Variants in FGF14 observed in about 807,000 individuals in gnomAD.
The protein encoded by FGF14 is fibroblast growth factor 14.
A neutral mutation model predicts 25.5 loss-of-function variants in FGF14; 5 were observed. That is an observed-to-expected ratio of 0.20 (90% CI 0.10 to 0.41). The LOEUF (loss-of-function observed/expected upper bound fraction) is 0.41. Among genes scored for constraint, FGF14 ranks in the 10% least tolerant of loss-of-function variants. The pLI, the probability that FGF14 is intolerant of heterozygous loss-of-function variation, is 1.00. For synonymous variants in FGF14, 138 were observed against 118.3 expected (o/e 1.17, Z -1.08); for missense variants, 222 against 320.1 (o/e 0.69, Z 2.34).
At chr13:101,962,285 G>C (rs995131888) in intron 1 of FGF14, among the ~76,000 whole-genome samples, 4 of 152,152 alleles carry the variant, frequency 2.6e-5, no homozygotes, top group Admixed American at 1.3e-4. Context: ...TCCCTTGCTA[G>C]ATGTATTCCT....
intron 1 of FGF14, among the ~76,000 whole-genome samples, chr13:101,935,076 T>C (rs2035013739): frequency 6.6e-6 from 1 of 152,156 alleles, no homozygotes; most frequent in African/African-American, 2.4e-5. Flanking sequence ...TACAGTACAC[T>C]GAACTCAAAG....
At chr13:102,306,210 C>G (rs1594797288) in intron 1 of FGF14, among the ~76,000 whole-genome samples, 1 of 152,158 alleles carries the variant, frequency 6.6e-6, no homozygotes, top group East Asian at 1.9e-4. Flanking sequence ...GACAAATACT[C>G]TTCTTCTAAT....
At chr13:101,780,156 G>C (rs1404822874) in intron 3 of FGF14, among the ~76,000 whole-genome samples, 2 of 152,144 alleles carry the variant, frequency 1.3e-5, no homozygotes, top group Non-Finnish European at 2.9e-5. Flanking sequence ...ATTTAAAGTT[G>C]AGATATGGCT....
In FGF14 at chr13:102,009,430, AGTTTG is replaced by A. The variant is rs1392581633; in HGVS notation, c.209-134139_209-134135del. Among the ~76,000 whole-genome samples the A allele has an allele frequency of 1.4e-4, 22 of 152,078 alleles. No individual in the cohort carries two copies. The East Asian group carries it at 3.3e-3, about 23-fold the overall frequency. ...GTTTTTTATCAGTTTGACGTGCATG[AGTTTG>A]TGGTTTCACTGTGCATTGTAATCAA... On this transcript the variant is annotated intron_variant, in intron 1 of 4. Coordinates refer to the FGF14 transcript ENST00000376131.
chr13:101,997,266 A>C (rs2039235752), intron 1 of FGF14, among the ~76,000 whole-genome samples: 1 of 151,016 alleles, frequency 6.6e-6, no homozygotes, highest in Non-Finnish European at 1.5e-5. Flanking sequence ...AACAGTGCCC[A>C]CTATGCACTG....
chr13:101,782,324 T>C (rs1462348166), intron 3 of FGF14, among the ~76,000 whole-genome samples: 1 of 152,262 alleles, frequency 6.6e-6, no homozygotes, highest in African/African-American at 2.4e-5. Context: ...CAATATCATA[T>C]TTCAAATCCA....
At chr13:102,092,824 T>A (rs926346227) in intron 1 of FGF14, among the ~76,000 whole-genome samples, 10 of 152,074 alleles carry the variant, frequency 6.6e-5, no homozygotes, top group Non-Finnish European at 1.5e-5. Context: ...CAGAGCGGCC[T>A]TTAAGGTTTG....
chr13:102,350,619 G>C (rs1042457482), intron 1 of FGF14, among the ~76,000 whole-genome samples: 1 of 152,072 alleles, frequency 6.6e-6, no homozygotes, highest in Admixed American at 6.6e-5. Flanking sequence ...TTTGTACTTG[G>C]CAAAAGTCAA....
chr13:101,739,234 A>T (rs2036390855), intron 3 of FGF14, among the ~76,000 whole-genome samples: 1 of 151,664 alleles, frequency 6.6e-6, no homozygotes, highest in African/African-American at 2.4e-5. Context: ...TTCTTTACTT[A>T]ATGATGTCTA....
At chr13:101,925,090 AAGAATG>A (rs1383882402) in intron 1 of FGF14, among the ~76,000 whole-genome samples, 4 of 152,252 alleles carry the variant, frequency 2.6e-5, no homozygotes, top group African/African-American at 9.6e-5. Flanking sequence ...AGGGCAAAGA[AAGAATG>A]AGAATGAGAA....
At chr13:102,062,285 T>A (rs139865402) in intron 1 of FGF14, among the ~76,000 whole-genome samples, 38 of 151,718 alleles carry the variant, frequency 2.5e-4, no homozygotes, top group Non-Finnish European at 4.7e-4. Context: ...TAGCAAATAA[T>A]AAATACCCAA....
chr13:101,927,321 G>T lies in FGF14; in HGVS notation c.209-52025C>A, dbSNP rs146606149. 6.7e-3 allele frequency among the ~76,000 whole-genome samples: 1,018 copies of T among 152,260 alleles called. 10 individuals carry two copies. The highest frequency in any genetic ancestry group is 0.023 in the African/African-American group (950 of 41,550). ...AAATGAATCTCTCCCCGACAGGGAG[G>T]GATAAACTGTCCAAACACAAATTTT... On this transcript the variant is annotated intron_variant, in intron 1 of 4. Coordinates refer to the FGF14 transcript ENST00000376131.
chr13:102,070,878 A>G (rs1178755468), intron 1 of FGF14, among the ~76,000 whole-genome samples: 1 of 152,174 alleles, frequency 6.6e-6, no homozygotes, highest in Non-Finnish European at 1.5e-5. Context: ...AGCCGAAACT[A>G]CAACAAAGGT....
intron 1 of FGF14, among the ~76,000 whole-genome samples, chr13:102,336,940 T>C (rs1316495775): frequency 6.6e-6 from 1 of 152,176 alleles, no homozygotes; most frequent in Non-Finnish European, 1.5e-5. Flanking sequence ...AAGCTTCCTT[T>C]CAAAATACTA....
chr13:102,112,399 T>C (rs1200383085), intron 1 of FGF14, among the ~76,000 whole-genome samples: 1 of 151,938 alleles, frequency 6.6e-6, no homozygotes, highest in Non-Finnish European at 1.5e-5. Context: ...ACCAGCTCAG[T>C]GTTTAAAATC....
chr13:101,730,818 G>A (rs142471797), intron 3 of FGF14, among the ~76,000 whole-genome samples: 26 of 152,266 alleles, frequency 1.7e-4, no homozygotes, highest in African/African-American at 4.8e-4. Context: ...TCATGGCACC[G>A]TAATGAGGAT....
At position 102,369,791 on chromosome 13, in the gene FGF14, G is replaced by T. The variant is rs1334609549; in HGVS notation, c.208+31680C>A. On this transcript the variant is annotated intron_variant, in intron 1 of 4. Transcript: ENST00000376131. ...ATATAATTTATGTTACATTTAAATA[G>T]TACATTGTGTTGTATATAAGGTGAT... Among the ~76,000 whole-genome samples, 4 of 152,242 alleles carry T rather than the reference G, an allele frequency of 2.6e-5. No homozygotes were observed. The South Asian group carries it at 8.3e-4, about 32-fold the overall frequency.
At chr13:101,748,747 TAAA>T (rs55785965) in intron 3 of FGF14, among the ~76,000 whole-genome samples, 716 of 70,756 alleles carry the variant, frequency 0.01, 1 homozygote, top group East Asian at 0.06. Flanking sequence ...TGGAGGTTTC[TAAA>T]AAAAAAAAAA....
At chr13:102,077,706 CT>C (rs1244078408) in intron 1 of FGF14, among the ~76,000 whole-genome samples, 2 of 152,108 alleles carry the variant, frequency 1.3e-5, no homozygotes, top group Non-Finnish European at 2.9e-5. Flanking sequence ...ATGAATACAG[CT>C]TTTATGGAAG....
Sources: gnomAD v4.1 joint callset for allele counts (sites outside exome capture counted in the v4.1 genomes callset) on GRCh38, gnomAD v4.1.1 for gene constraint, MANE v1.5 for transcripts, NCBI Gene and HGNC (gene_info 2026-07-23, HGNC 2026-07-21) for gene names.